GABRG3: variants seen among roughly 807,000 people sequenced by gnomAD.
GABRG3 encodes gamma-aminobutyric acid type A receptor subunit gamma3.
Under a neutral mutation model 48.8 loss-of-function variants are expected in GABRG3, and 25 were observed. That is an observed-to-expected ratio of 0.51 (90% CI 0.37 to 0.72). The LOEUF (loss-of-function observed/expected upper bound fraction) is 0.72, where lower values mean the gene tolerates loss of function less well. Among genes scored for constraint, GABRG3 ranks in the 30% least tolerant of loss-of-function variants. The pLI is 0.00. For missense variants in GABRG3, 394 were observed against 577.9 expected (o/e 0.68, Z 3.26); for synonymous variants, 227 against 217.6 (o/e 1.04, Z -0.38).
intron 3 of GABRG3, among the ~76,000 whole-genome samples, chr15:27,257,192 G>T (rs1890646960): frequency 6.6e-6 from 1 of 150,628 alleles, no homozygotes; most frequent in Non-Finnish European, 1.5e-5. Flanking sequence ...TAATAAACCT[G>T]TTGGCCATTT....
chr15:27,169,244 T>G (rs892255319), intron 3 of GABRG3, among the ~76,000 whole-genome samples: 79 of 152,332 alleles, frequency 5.2e-4, no homozygotes, highest in African/African-American at 1.9e-3. Context: ...CAGAGTAGCC[T>G]TCCCTGGATA....
intron 5 of GABRG3, among the ~76,000 whole-genome samples, chr15:27,401,498 T>C (rs1220591726): frequency 6.6e-6 from 1 of 152,248 alleles, no homozygotes; most frequent in African/African-American, 2.4e-5. Context: ...AGATTCTGGA[T>C]CGCATTCAAC....
intron 3 of GABRG3, among the ~76,000 whole-genome samples, chr15:27,089,180 C>T (rs2140753137): frequency 6.6e-6 from 1 of 152,218 alleles, no homozygotes; most frequent in East Asian, 1.9e-4. Context: ...GGAAGCAGGG[C>T]CTTGGGGTCA....
chr15:27,143,875 G>A (rs534199189), intron 3 of GABRG3, among the ~76,000 whole-genome samples: 1 of 152,320 alleles, frequency 6.6e-6, no homozygotes, highest in South Asian at 2.1e-4. Context: ...GAGGTTTGGT[G>A]TGATGAAGAT....
chr15:27,192,987 A>AAGGGT (rs1216481187), intron 3 of GABRG3, among the ~76,000 whole-genome samples: 1 of 152,058 alleles, frequency 6.6e-6, no homozygotes, highest in East Asian at 1.9e-4. Flanking sequence ...TCCACTCCAG[A>AAGGGT]CCCTGTTTGC....
At chr15:27,386,313 A>C (rs1365923665) in intron 5 of GABRG3, among the ~76,000 whole-genome samples, 1 of 152,124 alleles carries the variant, frequency 6.6e-6, no homozygotes, top group African/African-American at 2.4e-5. Context: ...GCCTGTGTTC[A>C]TCCAGGGACT....
intron 5 of GABRG3, among the ~76,000 whole-genome samples, chr15:27,337,604 A>G (rs28583735): frequency 1.3e-5 from 2 of 152,210 alleles, no homozygotes; most frequent in African/African-American, 2.4e-5. Flanking sequence ...AGGTCTTCAC[A>G]CAAGATGCAC....
chr15:27,020,481 G>A (rs942803174), intron 2 of GABRG3, among the ~76,000 whole-genome samples: 3 of 152,124 alleles, frequency 2.0e-5, no homozygotes, highest in Non-Finnish European at 4.4e-5. Context: ...GCGCTATCTC[G>A]GCTCACTGCA....
intron 3 of GABRG3, among the ~76,000 whole-genome samples, chr15:27,043,530 G>A (rs1278715815): frequency 6.6e-6 from 1 of 152,150 alleles, no homozygotes; most frequent in Non-Finnish European, 1.5e-5. Context: ...CCAAAAAGGA[G>A]AGTAACTTTG....
chr15:27,259,400 G>A (rs1890709421), intron 3 of GABRG3, among the ~76,000 whole-genome samples: 1 of 152,224 alleles, frequency 6.6e-6, no homozygotes, highest in Non-Finnish European at 1.5e-5. Flanking sequence ...CTTTGGTAGG[G>A]TGAGCAGAGC....
intron 2 of GABRG3, among the ~76,000 whole-genome samples, chr15:26,998,840 C>T (rs574689787): frequency 1.6e-4 from 25 of 152,130 alleles, no homozygotes; most frequent in African/African-American, 2.4e-5. Flanking sequence ...ATTGTCCTCA[C>T]AATGATTTAG....
At chr15:27,023,428 C>A (rs1042255739) in intron 2 of GABRG3, among the ~76,000 whole-genome samples, 16 of 150,870 alleles carry the variant, frequency 1.1e-4, no homozygotes, top group Admixed American at 7.9e-4. Context: ...CTCTTTTCAT[C>A]TTGCAGACCT....
intron 5 of GABRG3, among the ~76,000 whole-genome samples, chr15:27,432,880 A>G (rs1482836662): frequency 6.6e-6 from 1 of 152,196 alleles, no homozygotes; most frequent in African/African-American, 2.4e-5. Flanking sequence ...CAAATTCTGC[A>G]TTCCACATGA....
chr15:27,351,888 T>TGTGTATG (rs1252823940), intron 5 of GABRG3, among the ~76,000 whole-genome samples: 1 of 151,080 alleles, frequency 6.6e-6, no homozygotes, highest in Admixed American at 6.6e-5. Flanking sequence ...GTATGATGTG[T>TGTGTATG]GTGTATGGTG....
chr15:27,119,779 A>G (rs1471855128), intron 3 of GABRG3, among the ~76,000 whole-genome samples: 2 of 152,186 alleles, frequency 1.3e-5, no homozygotes, highest in African/African-American at 2.4e-5. Flanking sequence ...CACTGCTCTC[A>G]GCTCCCAGAG....
At chr15:27,246,376 T>G (rs1440362942) in intron 3 of GABRG3, among the ~76,000 whole-genome samples, 1 of 152,190 alleles carries the variant, frequency 6.6e-6, no homozygotes, top group Non-Finnish European at 1.5e-5. Context: ...CATGTGGTCT[T>G]TTTATGAATA....
chr15:27,117,289 C>T (rs187366614), intron 3 of GABRG3, among the ~76,000 whole-genome samples: 2 of 152,266 alleles, frequency 1.3e-5, no homozygotes, highest in East Asian at 1.9e-4. Context: ...CTTTCCCACC[C>T]CCTACTCTGT....
intron 6 of GABRG3, among the ~76,000 whole-genome samples, chr15:27,496,177 T>G (rs945425592): frequency 4.6e-5 from 7 of 152,220 alleles, no homozygotes; most frequent in Non-Finnish European, 1.0e-4. Flanking sequence ...CATGGCCATC[T>G]GGCAGGTATG....
intron 5 of GABRG3, chr15:27,350,329 G>A: frequency 2.7e-6 from 1 of 376,762 alleles, no homozygotes; most frequent in South Asian, 2.0e-5. Flanking sequence ...CACATTTTCT[G>A]ACTTCTCATC....
Sources: allele counts gnomAD v4.1 joint callset (sites outside exome capture counted in the v4.1 genomes callset), GRCh38; gene constraint gnomAD v4.1.1; transcripts MANE v1.5; gene names NCBI Gene and HGNC (gene_info 2026-07-23, HGNC 2026-07-21).